Variants in ERVH48-1 observed in about 807,000 individuals in gnomAD.
ERVH48-1 encodes the protein suppressyn.
ERVH48-1 carries 4 observed loss-of-function variants against 2.4 expected under a neutral mutation model. That is an observed-to-expected ratio of 1.68 (90% CI 0.83 to 3.84). The LOEUF is 3.84. Ranked by LOEUF, ERVH48-1 falls within the 30% of genes most tolerant of loss-of-function variation. ERVH48-1 has a pLI of 0.01. For missense variants in ERVH48-1, 97 were observed against 43.4 expected (o/e 2.23, Z -3.47); for synonymous variants, 32 against 15.5 (o/e 2.06, Z -2.49).
chr21:42,918,811 G>A lies in ERVH48-1; in HGVS notation c.196C>T (p.His66Tyr), dbSNP rs1216224855. The A allele has an allele frequency of 2.2e-6, 1 of 456,694 alleles. No individual in the cohort carries two copies. Among genetic ancestry groups the A allele is most frequent in the Non-Finnish European group, 4.4e-6 (1 of 226,988 alleles). The allele number at this position is 456,694 out of a possible 1,614,324, so 28.3% of individuals were successfully genotyped here. A position where few individuals can be genotyped will look rare whatever the true frequency, so the allele number is the denominator to read the frequency against. Residue 66 changes from histidine to tyrosine, a missense_variant, in exon 2 of 2, where the codon CAT (histidine) becomes TAT (tyrosine). Transcript: ENST00000447535. ...EMQQYFTYHT[H>Y]IERSCYGNLI... ...TTTCCATAACAGGATCTTTCTATAT[G>A]AGTATGGTAAGTAAAGTATTGTTGC...
rs2058790702 is a variant in ERVH48-1 at position 42,917,036 on chromosome 21, G to A, written c.*1488C>T. On this transcript the variant is annotated 3_prime_UTR_variant, in exon 2 of 2. Transcript: ENST00000447535. The stretch of plus-strand genomic sequence containing the variant: ...CTCTGCTATCTTGCTGCTGGTGCAA[G>A]TTTGTACCTTGGGACTGGGCCTGAG... 1 of 152,232 alleles carries A rather than the reference G, an allele frequency of 6.6e-6. No homozygotes were observed. The highest frequency in any genetic ancestry group is 2.1e-4 in the South Asian group (1 of 4,834). The allele number at this position is 152,232 out of a possible 1,614,324, so 9.4% of individuals were successfully genotyped here.
At position 42,919,163 on chromosome 21, in the gene ERVH48-1, G is replaced by C; in HGVS notation, c.-157C>G. 1.1e-6 allele frequency: 1 copy of C among 916,594 alleles called. No individual in the cohort carries two copies. Among genetic ancestry groups the C allele is most frequent in the Non-Finnish European group, 1.4e-6 (1 of 694,172 alleles). 56.8% of individuals were successfully genotyped at this position (916,594 alleles called of 1,614,324 possible). A position where few individuals can be genotyped will look rare whatever the true frequency, so the allele number is the denominator to read the frequency against. Reference sequence around the variant, plus strand: ...TTGGGGGTGAGCTTGACCCTGGTGCGATGGATCCAGTTGGGGAGTCCTCGG... The same window carrying C: ...TTGGGGGTGAGCTTGACCCTGGTGCCATGGATCCAGTTGGGGAGTCCTCGG... On this transcript the variant is annotated 5_prime_UTR_variant, in exon 2 of 2. In the 5' UTR this introduces an upstream ATG that the reference lacks. Transcript: ENST00000447535.
chr21:42,919,982 CAGAT>C (rs2058800741), intron 1 of ERVH48-1, among the ~76,000 whole-genome samples: 2 of 152,024 alleles, frequency 1.3e-5, no homozygotes. Context: ...CATTGAGTGG[CAGAT>C]AGAGCAGGAC....
chr21:42,923,623 A>G (rs1258936192), intron 1 of ERVH48-1, among the ~76,000 whole-genome samples: 2 of 152,176 alleles, frequency 1.3e-5, no homozygotes, highest in African/African-American at 4.8e-5. Context: ...ACACTTTTTG[A>G]GTCCTGCAAG....
chr21:42,918,429 G>A lies in ERVH48-1; in HGVS notation c.*95C>T, dbSNP rs926453032. 12 of 381,216 alleles carry A rather than the reference G, an allele frequency of 3.1e-5. No homozygotes were observed. Among genetic ancestry groups the A allele is most frequent in the South Asian group, 6.0e-5 (3 of 50,262 alleles). 23.6% of individuals were successfully genotyped at this position (381,216 alleles called of 1,614,324 possible). Reference sequence around the variant, plus strand: ...CACTGTTCACTCATAAAGCTCCCCCGCATACCCAACAATTGGACACATTCA... The same window carrying A: ...CACTGTTCACTCATAAAGCTCCCCCACATACCCAACAATTGGACACATTCA... On this transcript the variant is annotated 3_prime_UTR_variant, in exon 2 of 2. Coordinates refer to ENST00000447535, the MANE Select transcript of ERVH48-1 (RefSeq NM_001308491.2).
rs2058797972 is a variant in ERVH48-1 at position 42,919,131 on chromosome 21, A to C, written c.-125T>G. On this transcript the variant is annotated 5_prime_UTR_variant, in exon 2 of 2. Transcript: ENST00000447535. Reference sequence around the variant, plus strand: ...TAGCTGTTAATGTTTTGGAGGAAGAAGCTGCCTTGGGGGTGAGCTTGACCC... The same window carrying C: ...TAGCTGTTAATGTTTTGGAGGAAGACGCTGCCTTGGGGGTGAGCTTGACCC... The C allele has an allele frequency of 8.6e-7, 1 of 1,166,256 alleles. No individual in the cohort carries two copies. The highest frequency in any genetic ancestry group is 1.1e-6 in the Non-Finnish European group (1 of 919,456). The allele number at this position is 1,166,256 out of a possible 1,614,324, so 72.2% of individuals were successfully genotyped here. A position where few individuals can be genotyped will look rare whatever the true frequency, so the allele number is the denominator to read the frequency against.
intron 1 of ERVH48-1, among the ~76,000 whole-genome samples, chr21:42,923,284 C>A (rs1358954435): frequency 6.6e-6 from 1 of 152,236 alleles, no homozygotes; most frequent in Non-Finnish European, 1.5e-5. Context: ...CAGGGCCTCC[C>A]GATGGCGGAG....
Position 42,918,176 on chromosome 21 carries a change from G to T in ERVH48-1, c.*348C>A, listed in dbSNP as rs2058794419. On this transcript the variant is annotated 3_prime_UTR_variant, in exon 2 of 2. Transcript: ENST00000447535. ...TTAGAAGGAGACCAGGCTCCAGGGG[G>T]TAACCTTGGCCACCACTCAGCTATG... The T allele has an allele frequency of 8.2e-6, 2 of 245,278 alleles. No individual in the cohort carries two copies. The highest frequency in any genetic ancestry group is 2.1e-4 in the East Asian group (2 of 9,388). The allele number at this position is 245,278 out of a possible 1,614,324, so 15.2% of individuals were successfully genotyped here.
chr21:42,919,245 T>C lies in ERVH48-1; in HGVS notation c.-239A>G, dbSNP rs1601233438. ...CAGTGTAGGGGCCTGTCCACTTCGG[T>C]GGTAGCTTTTTGTGAGGGTCAGTTT... On this transcript the variant is annotated 5_prime_UTR_variant, in exon 2 of 2. Coordinates refer to ENST00000447535, the MANE Select transcript of ERVH48-1 (RefSeq NM_001308491.2). 1 of 287,242 alleles carries C rather than the reference T, an allele frequency of 3.5e-6. No individual in the cohort carries two copies. Among genetic ancestry groups the C allele is most frequent in the Non-Finnish European group, 6.6e-6 (1 of 152,126 alleles). The allele number at this position is 287,242 out of a possible 1,614,324, so 17.8% of individuals were successfully genotyped here. A position where few individuals can be genotyped will look rare whatever the true frequency, so the allele number is the denominator to read the frequency against.
intron 1 of ERVH48-1, among the ~76,000 whole-genome samples, chr21:42,921,546 C>T (rs1415982742): frequency 6.6e-6 from 1 of 151,956 alleles, no homozygotes; most frequent in Non-Finnish European, 1.5e-5. Context: ...ATACCTGATA[C>T]CCCCACTCTG....
chr21:42,923,264 C>A (rs1473696236), intron 1 of ERVH48-1, among the ~76,000 whole-genome samples: 1 of 152,228 alleles, frequency 6.6e-6, no homozygotes, highest in African/African-American at 2.4e-5. Flanking sequence ...GCTGCGGCCC[C>A]GTGGGCCTGC....
intron 1 of ERVH48-1, among the ~76,000 whole-genome samples, chr21:42,921,668 A>G (rs1014174595): frequency 8.6e-6 from 1 of 116,830 alleles, no homozygotes; most frequent in African/African-American, 3.7e-5. Context: ...TACAGAGGTC[A>G]TGATCAAGGG....
Position 42,919,121 on chromosome 21 carries a change from T to C in ERVH48-1, c.-115A>G, listed in dbSNP as rs1177499643. ...GACAAACACTTAGCTGTTAATGTTTTGGAGGAAGAAGCTGCCTTGGGGGTG... is the reference window on the plus strand; with the variant it reads ...GACAAACACTTAGCTGTTAATGTTTCGGAGGAAGAAGCTGCCTTGGGGGTG... On this transcript the variant is annotated 5_prime_UTR_variant, in exon 2 of 2. Transcript: ENST00000447535. The C allele has an allele frequency of 8.4e-7, 1 of 1,184,182 alleles. No individual in the cohort carries two copies. Among genetic ancestry groups the C allele is most frequent in the Non-Finnish European group, 1.1e-6 (1 of 935,430 alleles). 73.4% of individuals were successfully genotyped at this position (1,184,182 alleles called of 1,614,324 possible).
chr21:42,919,248 T>C lies in ERVH48-1; in HGVS notation c.-242A>G, dbSNP rs2058798592. 4 of 279,790 alleles carry C rather than the reference T, an allele frequency of 1.4e-5. No homozygotes were observed. In the South Asian group the frequency reaches 1.7e-4, roughly 12 times the overall value. The allele number at this position is 279,790 out of a possible 1,614,324, so 17.3% of individuals were successfully genotyped here. ...TGTAGGGGCCTGTCCACTTCGGTGG[T>C]AGCTTTTTGTGAGGGTCAGTTTGGC... On this transcript the variant is annotated 5_prime_UTR_variant, in exon 2 of 2. Coordinates refer to ENST00000447535, the MANE Select transcript of ERVH48-1 (RefSeq NM_001308491.2).
intron 1 of ERVH48-1, among the ~76,000 whole-genome samples, chr21:42,923,498 T>C (rs1448325106): frequency 6.6e-6 from 1 of 152,154 alleles, no homozygotes; most frequent in African/African-American, 2.4e-5. Flanking sequence ...TGGCTGGGTC[T>C]AGGTTGGTAT....
chr21:42,925,435 T>C lies in ERVH48-1; in HGVS notation c.-375A>G. ...TTTGTCCGGCTGCTGTGGCCTGCTT[T>C]CCCAGATGGAGGGGTGGTAGGTCCA... On this transcript the variant is annotated 5_prime_UTR_variant, in exon 1 of 2. Transcript: ENST00000447535. 2.1e-6 allele frequency: 1 copy of C among 485,138 alleles called. No homozygotes were observed. Among genetic ancestry groups the C allele is most frequent in the Non-Finnish European group, 3.8e-6 (1 of 261,046 alleles). 30.1% of individuals were successfully genotyped at this position (485,138 alleles called of 1,614,324 possible).
Position 42,918,546 on chromosome 21 carries a change from T to C in ERVH48-1, c.461A>G (p.His154Arg), listed in dbSNP as rs1309778199. 4.4e-6 allele frequency: 2 copies of C among 456,134 alleles called. No individual in the cohort carries two copies. The highest frequency in any genetic ancestry group is 8.8e-6 in the Non-Finnish European group (2 of 226,620). The allele number at this position is 456,134 out of a possible 1,614,324, so 28.3% of individuals were successfully genotyped here. Reference sequence around the variant, plus strand: ...TGCTTATAGTTTTTGTATAAAGGAATGGAAATGCCGCGGGCGATTTTCAGG... The same window carrying C: ...TGCTTATAGTTTTTGTATAAAGGAACGGAAATGCCGCGGGCGATTTTCAGG... ...TPPENRPRHF[H>R]SFIQKL The change falls in exon 2 of 2, where the codon CAT (histidine) becomes CGT (arginine). Residue 154 changes from histidine (H) to arginine (R), a missense_variant. Physicochemically the swap from His to Arg is conservative, Grantham distance 29. Coordinates refer to ENST00000447535, the MANE Select transcript of ERVH48-1 (RefSeq NM_001308491.2).
intron 1 of ERVH48-1, among the ~76,000 whole-genome samples, chr21:42,922,739 CAAAAAAAAA>C (rs35066156): frequency 0.15 from 7,406 of 48,158 alleles, 262 homozygotes; most frequent in East Asian, 0.35. Flanking sequence ...GACTCCGTCT[CAAAAAAAAA>C]AAAAAAAAAA....
In ERVH48-1 at chr21:42,925,403, A is replaced by G; in HGVS notation, c.-343T>C. The G allele has an allele frequency of 2.0e-6, 1 of 491,184 alleles. No homozygotes were observed. Among genetic ancestry groups the G allele is most frequent in the Non-Finnish European group, 3.8e-6 (1 of 264,228 alleles). 30.4% of individuals were successfully genotyped at this position (491,184 alleles called of 1,614,324 possible). A position where few individuals can be genotyped will look rare whatever the true frequency, so the allele number is the denominator to read the frequency against. Reference sequence around the variant, plus strand: ...ACAGAGAGGCGACTAGAGGCTGAGGAGCTTCCTTTGTCCGGCTGCTGTGGC... The same window carrying G: ...ACAGAGAGGCGACTAGAGGCTGAGGGGCTTCCTTTGTCCGGCTGCTGTGGC... On this transcript the variant is annotated 5_prime_UTR_variant, in exon 1 of 2. Coordinates refer to ENST00000447535, the MANE Select transcript of ERVH48-1 (RefSeq NM_001308491.2).
Sources: allele counts gnomAD v4.1 joint callset (sites outside exome capture counted in the v4.1 genomes callset), GRCh38; gene constraint gnomAD v4.1.1; transcripts MANE v1.5; gene names NCBI Gene and HGNC (gene_info 2026-07-23, HGNC 2026-07-21).